The following CCAR1 variants were observed in gnomAD, a reference collection of about 807,000 sequenced individuals.
CCAR1 encodes cell division cycle and apoptosis regulator protein 1.
In CCAR1, 78 loss-of-function variants were observed where a neutral mutation model predicts 163.8. The observed-to-expected ratio is 0.48, with a 90% CI of 0.40 to 0.57. CCAR1 has a LOEUF of 0.57. Among genes scored for constraint, CCAR1 ranks in the 20% least tolerant of loss-of-function variants. The pLI, the probability that CCAR1 is intolerant of heterozygous loss-of-function variation, is 0.00. For missense variants in CCAR1, 1,019 were observed against 1,365.2 expected (o/e 0.75, Z 4.00); for synonymous variants, 443 against 460.7 (o/e 0.96, Z 0.49).
intron 5 of CCAR1, among the ~76,000 whole-genome samples, chr10:68,741,947 T>C (rs1229130508): frequency 6.6e-6 from 1 of 152,216 alleles, no homozygotes; most frequent in Non-Finnish European, 1.5e-5. Context: ...TTTTCAATAA[T>C]CAACAAAGTA....
At chr10:68,760,939 C>T (rs1284305636) in intron 15 of CCAR1, 68 bp from the exon 16 acceptor site, 1 of 520,860 alleles carries the variant, frequency 1.9e-6, no homozygotes, top group East Asian at 3.9e-5. Context: ...TTTCCTATTT[C>T]AATATCCGCT....
At chr10:68,747,303 T>C in intron 7 of CCAR1, 28 bp downstream of exon 7, 5 of 1,587,604 alleles carry the variant, frequency 3.1e-6, no homozygotes, top group Non-Finnish European at 3.4e-6. Context: ...TTAGGTATTA[T>C]AGAAGCTTGG....
intron 19 of CCAR1, among the ~76,000 whole-genome samples, chr10:68,777,589 C>T (rs1047467354): frequency 2.0e-5 from 3 of 151,638 alleles, no homozygotes; most frequent in Non-Finnish European, 4.4e-5. Flanking sequence ...GAGGCTGAGG[C>T]GTGAGAATCA....
At chr10:68,786,494 GT>G in intron 20 of CCAR1, 51 bp from the exon 21 acceptor site, 1 of 1,333,432 alleles carries the variant, frequency 7.5e-7, no homozygotes, top group South Asian at 1.4e-5. Context: ...CTTTTTGGGG[GT>G]AAAAAATTTG....
intron 10 of CCAR1, among the ~76,000 whole-genome samples, chr10:68,751,305 G>A (rs993383855): frequency 6.6e-6 from 1 of 151,956 alleles, no homozygotes; most frequent in Non-Finnish European, 1.5e-5. Flanking sequence ...GGGATTACAG[G>A]TGTGAGCCAC....
intron 10 of CCAR1, among the ~76,000 whole-genome samples, chr10:68,750,079 A>G (rs898850953): frequency 2.6e-5 from 4 of 152,174 alleles, no homozygotes; most frequent in Admixed American, 1.3e-4. Flanking sequence ...TAATAGAAAC[A>G]TTGATATGCG....
chr10:68,782,836 GT>G, intron 19 of CCAR1, among the ~76,000 whole-genome samples: 1 of 152,182 alleles, frequency 6.6e-6, no homozygotes, highest in African/African-American at 2.4e-5. Context: ...TAAGCCCGCT[GT>G]TGAGATCTGC....
At position 68,756,747 on chromosome 10, in the gene CCAR1, T is replaced by C. The variant is rs2056400822; in HGVS notation, c.1836+264T>C. ...CACAGAATTTTGTTTTTATCATAGG[T>C]CTAGTTGCTGGAATCTGGGACCAGT... is the stretch of plus-strand genomic sequence containing the variant. On this transcript the variant is annotated intron_variant, in intron 14 of 24. Coordinates refer to ENST00000265872, the MANE Select transcript of CCAR1 (RefSeq NM_018237.4). This position sits in a 1 kb window ranked among gnomAD's most constrained non-coding sequence, Gnocchi z 5.1. 1.0e-5 allele frequency: 5 copies of C among 488,064 alleles called. No individual in the cohort carries two copies. Among genetic ancestry groups the C allele is most frequent in the South Asian group, 1.0e-4 (5 of 49,858 alleles). The allele number at this position is 488,064 out of a possible 1,614,324, so 30.2% of individuals were successfully genotyped here.
At chr10:68,726,656 A>T (rs899572368) in intron 2 of CCAR1, among the ~76,000 whole-genome samples, 1 of 152,082 alleles carries the variant, frequency 6.6e-6, no homozygotes, top group African/African-American at 2.4e-5. Context: ...CTCCAGCTCC[A>T]GTGCATCCAT....
At chr10:68,748,476 T>A (rs2056287252) in intron 8 of CCAR1, among the ~76,000 whole-genome samples, 1 of 149,724 alleles carries the variant, frequency 6.7e-6, no homozygotes, top group Non-Finnish European at 1.5e-5. Context: ...AATGTAATTG[T>A]GACATGTTCT....
chr10:68,746,693 T>C (rs1357553296), intron 6 of CCAR1, among the ~76,000 whole-genome samples: 7 of 152,138 alleles, frequency 4.6e-5, no homozygotes, highest in Non-Finnish European at 8.8e-5. Context: ...TTCTCCTGCC[T>C]CAGCCTCCTG....
In CCAR1 at chr10:68,771,318, A is replaced by G. The variant is rs1195371304; in HGVS notation, c.2411A>G (p.Lys804Arg). The G allele has an allele frequency of 6.2e-7, 1 of 1,609,748 alleles. No homozygotes were observed. Among genetic ancestry groups the G allele is most frequent in the Non-Finnish European group, 8.5e-7 (1 of 1,177,562 alleles). ...AAAGAGGACAAAAAAGAAAAGGATAAAAAAAGCAAAAAAGATGAGAGAAAA... is the reference window on the plus strand; with the variant it reads ...AAAGAGGACAAAAAAGAAAAGGATAGAAAAAGCAAAAAAGATGAGAGAAAA... ...PEKEDKKEKD[K>R]KSKKDERKDK... The change falls in exon 18 of 25, where the codon AAA becomes AGA. Residue 804 changes from lysine (K) to arginine (R), a missense_variant. Physicochemically the swap from Lys to Arg is conservative, Grantham distance 26. This residue lies in a region of CCAR1 where 358 missense variants were observed against 406.4 expected (regional missense o/e 0.88). Transcript: ENST00000265872.
At position 68,755,546 on chromosome 10, in the gene CCAR1, A is replaced by G; in HGVS notation, c.1625+10A>G. 1 of 1,601,016 alleles carries G rather than the reference A, an allele frequency of 6.2e-7. No homozygotes were observed. Among genetic ancestry groups the G allele is most frequent in the East Asian group, 2.2e-5 (1 of 44,716 alleles). On this transcript the variant is annotated intron_variant, in intron 13 of 24. Coordinates refer to ENST00000265872, the MANE Select transcript of CCAR1 (RefSeq NM_018237.4). ...GTGTGTGCACACAATGGTAAGTACT[A>G]ATTCATTTCTTGATTAGAAGTGTTT...
intron 2 of CCAR1, among the ~76,000 whole-genome samples, chr10:68,723,275 C>T (rs1243137936): frequency 6.7e-6 from 1 of 149,928 alleles, no homozygotes; most frequent in African/African-American, 2.4e-5. Flanking sequence ...GCACCCGCCA[C>T]CACGCCCGGC....
chr10:68,727,421 G>A (rs910816028), intron 2 of CCAR1, among the ~76,000 whole-genome samples: 62 of 152,172 alleles, frequency 4.1e-4, no homozygotes, highest in African/African-American at 1.3e-3. Flanking sequence ...ATTTGTTTAC[G>A]TCTCACAGGA....
intron 10 of CCAR1, among the ~76,000 whole-genome samples, chr10:68,753,185 C>G (rs1465858167): frequency 6.6e-6 from 1 of 151,356 alleles, no homozygotes; most frequent in Non-Finnish European, 1.5e-5. Flanking sequence ...TTTAAAAGCT[C>G]TACTTCTTAG....
intron 10 of CCAR1, among the ~76,000 whole-genome samples, chr10:68,750,901 C>T (rs2056322146): frequency 6.6e-6 from 1 of 152,136 alleles, no homozygotes; most frequent in African/African-American, 2.4e-5. Flanking sequence ...TTTAGTAACC[C>T]AGTGAATTTT....
intron 8 of CCAR1, among the ~76,000 whole-genome samples, chr10:68,748,045 G>T (rs1452256821): frequency 6.6e-6 from 1 of 152,068 alleles, no homozygotes; most frequent in Non-Finnish European, 1.5e-5. Flanking sequence ...GTAGATACAG[G>T]GTTTCACCAC....
chr10:68,745,906 G>A (rs2056247484), intron 6 of CCAR1, among the ~76,000 whole-genome samples: 1 of 151,928 alleles, frequency 6.6e-6, no homozygotes, highest in Non-Finnish European at 1.5e-5. Flanking sequence ...TAAAGTTATG[G>A]CGTTAGAGGC....
Sources: gnomAD v4.1 joint callset for allele counts (sites outside exome capture counted in the v4.1 genomes callset) on GRCh38, gnomAD v4.1.1 for gene constraint, gnomAD v4.1.1 regional missense constraint, Gnocchi (gnomAD v3.1) non-coding constraint, MANE v1.5 for transcripts, NCBI Gene and HGNC (gene_info 2026-07-23, HGNC 2026-07-21) for gene names.